Variants in LTBP1 observed in about 807,000 individuals in gnomAD.
LTBP1 encodes the protein latent transforming growth factor beta binding protein 1.
LTBP1 carries 129 observed loss-of-function variants against 207.6 expected under a neutral mutation model. The observed-to-expected ratio is 0.62, with a 90% confidence interval of 0.54 to 0.72. The LOEUF (loss-of-function observed/expected upper bound fraction) is 0.72. LTBP1 is among the 30% of genes least tolerant of loss of function. The pLI, the probability that LTBP1 is intolerant of heterozygous loss-of-function variation, is 0.00. For synonymous variants in LTBP1, 963 were observed against 833.7 expected, an observed-to-expected ratio of 1.16 and a Z score of -2.67; for missense variants, 2,281 against 2,217.2, an observed-to-expected ratio of 1.03 and a Z score of -0.58.
chr2:33,056,037 A>G (rs1276037897), intron 3 of LTBP1, among the ~76,000 whole-genome samples: 1 of 152,198 alleles, frequency 6.6e-6, no homozygotes, highest in Non-Finnish European at 1.5e-5. Flanking sequence ...ATGAAAAGAA[A>G]GCTTGGACAT....
chr2:33,080,742 T>C (rs892266563), intron 3 of LTBP1, among the ~76,000 whole-genome samples: 2 of 152,206 alleles, frequency 1.3e-5, no homozygotes, highest in Non-Finnish European at 2.9e-5. Flanking sequence ...CTGGATGCAC[T>C]TAAAGATTTT....
At chr2:33,231,808 G>A (rs2091806331) in intron 9 of LTBP1, among the ~76,000 whole-genome samples, 1 of 152,198 alleles carries the variant, frequency 6.6e-6, no homozygotes, top group South Asian at 2.1e-4. Flanking sequence ...CCATTTGCAT[G>A]CAATTAATTA....
chr2:33,175,315 A>AAATC (rs1553439124), intron 5 of LTBP1, among the ~76,000 whole-genome samples: 1 of 151,670 alleles, frequency 6.6e-6, no homozygotes, highest in Non-Finnish European at 1.5e-5. Flanking sequence ...TTACAAGAAA[A>AAATC]AAACAACCCC....
intron 10 of LTBP1, among the ~76,000 whole-genome samples, 196 bp from the exon 11 acceptor site, chr2:33,252,481 G>A (rs985782675): frequency 2.0e-5 from 3 of 152,172 alleles, no homozygotes; most frequent in Non-Finnish European, 4.4e-5. Flanking sequence ...TCACTGTCAC[G>A]ACTTTTGGTG....
At chr2:32,988,317 G>A (rs975532866) in intron 2 of LTBP1, among the ~76,000 whole-genome samples, 65 of 152,266 alleles carry the variant, frequency 4.3e-4, no homozygotes, top group African/African-American at 1.9e-4. Flanking sequence ...TTTGGTTCTC[G>A]TGTTTAGCAT....
At chr2:33,202,595 A>G (rs2089433812) in intron 7 of LTBP1, among the ~76,000 whole-genome samples, 3 of 152,346 alleles carry the variant, frequency 2.0e-5, no homozygotes, top group South Asian at 2.1e-4. Flanking sequence ...CACTTTTCAC[A>G]CTGGTTATTC....
chr2:33,261,292 G>C (rs1470742939), intron 13 of LTBP1, among the ~76,000 whole-genome samples: 1 of 152,216 alleles, frequency 6.6e-6, no homozygotes, highest in Non-Finnish European at 1.5e-5. Flanking sequence ...ATCCTGGTCT[G>C]TTCCTTGTTG....
intron 7 of LTBP1, among the ~76,000 whole-genome samples, chr2:33,212,412 G>A (rs371564981): frequency 1.2e-4 from 18 of 152,316 alleles, no homozygotes; most frequent in Middle Eastern, 3.4e-3. Context: ...CTGCCTAGAC[G>A]CAGTCCTATT....
intron 5 of LTBP1, among the ~76,000 whole-genome samples, chr2:33,149,228 CAAAAAAAA>C (rs58303103): frequency 1.7e-4 from 14 of 82,822 alleles, no homozygotes; most frequent in Non-Finnish European, 2.5e-4. Context: ...CACAAAAAAA[CAAAAAAAA>C]AAAAAAAAAA....
At chr2:33,270,450 C>T (rs542486975) in intron 15 of LTBP1, among the ~76,000 whole-genome samples, 49 of 151,648 alleles carry the variant, frequency 3.2e-4, no homozygotes, top group African/African-American at 1.1e-3. Context: ...ATTAGCCGGG[C>T]GTGGTGGCGG....
rs777700838 is a variant in LTBP1 at position 33,257,262 on chromosome 2, T to C, written c.2168-22T>C. On this transcript the variant is annotated intron_variant, in intron 11 of 33. Coordinates refer to ENST00000404816, the MANE Select transcript of LTBP1 (RefSeq NM_206943.4). ...TGCACTGTTAGATTTTTAAAAGGAA[T>C]ATTTTCCCATCCCAAATCTAGCTGC... 5 of 1,584,936 alleles carry C rather than the reference T, an allele frequency of 3.2e-6. No individual in the cohort carries two copies. The Admixed American group carries it at 6.7e-5, about 21-fold the overall frequency.
At chr2:33,028,254 AT>A (rs1469660347) in intron 3 of LTBP1, among the ~76,000 whole-genome samples, 2 of 152,218 alleles carry the variant, frequency 1.3e-5, no homozygotes, top group Non-Finnish European at 2.9e-5. Flanking sequence ...TCCTAATACA[AT>A]TGAAATAAAT....
intron 5 of LTBP1, among the ~76,000 whole-genome samples, chr2:33,155,185 T>A (rs1487656674): frequency 2.0e-5 from 3 of 152,106 alleles, no homozygotes; most frequent in Admixed American, 2.0e-4. Flanking sequence ...TGAGACAGAA[T>A]CTCACTCAAG....
chr2:33,163,126 T>G (rs1442120349), intron 5 of LTBP1, among the ~76,000 whole-genome samples: 1 of 152,082 alleles, frequency 6.6e-6, no homozygotes, highest in Admixed American at 6.6e-5. Flanking sequence ...GGACTACAGG[T>G]GCATGCCACC....
intron 25 of LTBP1, among the ~76,000 whole-genome samples, chr2:33,343,167 C>T (rs528317071): frequency 6.6e-6 from 1 of 151,866 alleles, no homozygotes; most frequent in African/African-American, 2.4e-5. Flanking sequence ...TTTGGGAGGC[C>T]AAGGTTGGAG....
intron 9 of LTBP1, among the ~76,000 whole-genome samples, chr2:33,238,431 G>A (rs186558335): frequency 2.5e-4 from 38 of 152,264 alleles, no homozygotes; most frequent in African/African-American, 8.2e-4. Flanking sequence ...TGTGCTGTTC[G>A]TAATATATTA....
intron 3 of LTBP1, among the ~76,000 whole-genome samples, chr2:33,091,383 C>G (rs771849876): frequency 6.6e-6 from 1 of 152,020 alleles, no homozygotes; most frequent in Admixed American, 6.6e-5. Flanking sequence ...GAGTTCTGGT[C>G]TCTCTCTGTT....
At chr2:33,214,446 C>G (rs888256563) in intron 7 of LTBP1, among the ~76,000 whole-genome samples, 2 of 152,182 alleles carry the variant, frequency 1.3e-5, no homozygotes, top group African/African-American at 4.8e-5. Flanking sequence ...TCTCCCCACT[C>G]TGCGTGTACG....
At chr2:32,999,206 C>G (rs1685734576) in intron 2 of LTBP1, among the ~76,000 whole-genome samples, 2 of 152,210 alleles carry the variant, frequency 1.3e-5, no homozygotes, top group African/African-American at 4.8e-5. Context: ...TCCGGCCCCA[C>G]CTTTACCAAC....
Sources: allele counts gnomAD v4.1 joint callset (sites outside exome capture counted in the v4.1 genomes callset), GRCh38; gene constraint gnomAD v4.1.1; transcripts MANE v1.5; gene names NCBI Gene and HGNC (gene_info 2026-07-23, HGNC 2026-07-21).